The following CPHXL2 variants were observed in gnomAD, a reference collection of about 807,000 sequenced individuals.
CPHXL2 encodes cytoplasmic polyadenylated homeobox-like protein 2.
At chr16:75,663,445 G>A in the CPHXL2 span, among the ~76,000 whole-genome samples, 7 of 152,014 alleles carry the variant, frequency 4.6e-5, no homozygotes, top group Non-Finnish European at 1.0e-4. Context: ...CCATCTTAAC[G>A]GACCCCTCCT....
At chr16:75,668,997 C>A in the CPHXL2 span, among the ~76,000 whole-genome samples, 1 of 152,076 alleles carries the variant, frequency 6.6e-6, no homozygotes, top group Admixed American at 6.6e-5. Flanking sequence ...CTTCTACCTC[C>A]ATCTATACTT....
At chr16:75,666,062 T>C in the CPHXL2 span, among the ~76,000 whole-genome samples, 1 of 152,080 alleles carries the variant, frequency 6.6e-6, no homozygotes, top group Non-Finnish European at 1.5e-5. Flanking sequence ...AGAACTCACA[T>C]AAACTTAAGG....
At chr16:75,667,565 T>C in the CPHXL2 span, among the ~76,000 whole-genome samples, 1 of 152,192 alleles carries the variant, frequency 6.6e-6, no homozygotes, top group African/African-American at 2.4e-5. Flanking sequence ...AGGCATTTTC[T>C]CAACTGATTC....
chr16:75,664,930 T>C, the CPHXL2 span, among the ~76,000 whole-genome samples: 1 of 152,222 alleles, frequency 6.6e-6, no homozygotes, highest in East Asian at 1.9e-4. Flanking sequence ...CCTTTGACCT[T>C]GGACTTCTCA....
chr16:75,661,060 G>C, the CPHXL2 span: 2 of 400,808 alleles, frequency 5.0e-6, no homozygotes. Context: ...GAGCAACCAG[G>C]TCTTCTCATC....
the CPHXL2 span, among the ~76,000 whole-genome samples, chr16:75,673,979 TAA>T: frequency 8.8e-5 from 8 of 90,502 alleles, no homozygotes; most frequent in Admixed American, 3.5e-4. Flanking sequence ...GATCTCGTCT[TAA>T]AAAAAAAAAA....
the CPHXL2 span, among the ~76,000 whole-genome samples, chr16:75,663,097 C>T: frequency 3.3e-5 from 5 of 152,308 alleles, no homozygotes; most frequent in Admixed American, 1.3e-4. Context: ...ACTCACTGCG[C>T]CCGGTGGGAG....
chr16:75,661,451 A>C, the CPHXL2 span, among the ~76,000 whole-genome samples: 3 of 152,206 alleles, frequency 2.0e-5, no homozygotes, highest in African/African-American at 7.2e-5. Context: ...TGCATCATGC[A>C]TTTCTAGAAC....
chr16:75,668,939 C>G, the CPHXL2 span, among the ~76,000 whole-genome samples: 1 of 152,038 alleles, frequency 6.6e-6, no homozygotes. Flanking sequence ...ATTTTGATTA[C>G]TCTCTCCCAT....
chr16:75,660,994 AAG>A, the CPHXL2 span: 1 of 399,578 alleles, frequency 2.5e-6, no homozygotes, highest in African/African-American at 2.0e-5. Flanking sequence ...TGGTTCTCCA[AAG>A]AGAAGCAATT....
the CPHXL2 span, among the ~76,000 whole-genome samples, chr16:75,675,607 C>T: frequency 0.028 from 4,288 of 152,224 alleles, 193 homozygotes; most frequent in African/African-American, 0.094. Context: ...GCTACCTTCA[C>T]GCCACACTCC....
the CPHXL2 span, among the ~76,000 whole-genome samples, chr16:75,664,625 C>A: frequency 1.3e-3 from 144 of 112,986 alleles, no homozygotes; most frequent in Middle Eastern, 4.4e-3. Flanking sequence ...AACTCCATCT[C>A]AAAAAAAAAA....
At chr16:75,666,423 C>T in the CPHXL2 span, among the ~76,000 whole-genome samples, 1 of 151,938 alleles carries the variant, frequency 6.6e-6, no homozygotes, top group East Asian at 1.9e-4. Context: ...AGTTCAGGAC[C>T]AGCCTGGCCA....
the CPHXL2 span, chr16:75,661,391 T>TA: frequency 1.0e-5 from 4 of 396,274 alleles, no homozygotes; most frequent in Admixed American, 8.8e-5. Context: ...TTAAGGCTTA[T>TA]AAAAAATAAG....
At chr16:75,676,736 G>C in the CPHXL2 span, among the ~76,000 whole-genome samples, 1 of 152,090 alleles carries the variant, frequency 6.6e-6, no homozygotes, top group Non-Finnish European at 1.5e-5. Context: ...AATTTGATCT[G>C]TAGGTATTTT....
chr16:75,674,328 G>C, the CPHXL2 span, among the ~76,000 whole-genome samples: 47 of 128,602 alleles, frequency 3.7e-4, no homozygotes, highest in African/African-American at 1.4e-3. Context: ...AGCCGAGATC[G>C]CACCACTGCA....
the CPHXL2 span, among the ~76,000 whole-genome samples, chr16:75,673,111 A>G: frequency 6.6e-6 from 1 of 151,658 alleles, no homozygotes; most frequent in East Asian, 1.9e-4. Flanking sequence ...AAAAAAAGAA[A>G]AAGGGAACCT....
At chr16:75,669,109 G>A in the CPHXL2 span, among the ~76,000 whole-genome samples, 1 of 152,046 alleles carries the variant, frequency 6.6e-6, no homozygotes, top group Non-Finnish European at 1.5e-5. Context: ...GACCCCAGGA[G>A]TTCGACACCA....
chr16:75,673,633 G>T, the CPHXL2 span, among the ~76,000 whole-genome samples: 2 of 151,960 alleles, frequency 1.3e-5, no homozygotes, highest in African/African-American at 4.8e-5. Context: ...AAAAGAAACC[G>T]GAGTTTTCTT....
Sources: allele counts gnomAD v4.1 joint callset (sites outside exome capture counted in the v4.1 genomes callset), GRCh38; gene constraint gnomAD v4.1.1; transcripts MANE v1.5; gene names NCBI Gene and HGNC (gene_info 2026-07-23, HGNC 2026-07-21).